Variants in CDH12 observed in about 807,000 individuals in gnomAD.
CDH12 encodes cadherin-12.
CDH12 carries 41 observed loss-of-function variants against 74.1 expected under a neutral mutation model. That is an observed-to-expected ratio of 0.55 (90% CI 0.43 to 0.72). The LOEUF is 0.72. Ranked by LOEUF, CDH12 falls within the 30% of genes least tolerant of loss-of-function variation. The pLI is 0.00. For synonymous variants in CDH12, 399 were observed against 355.0 expected (o/e 1.12, Z -1.39); for missense variants, 945 against 977.2 (o/e 0.97, Z 0.44).
intron 3 of CDH12, among the ~76,000 whole-genome samples, chr5:22,317,412 A>G (rs1054274119): frequency 6.6e-6 from 1 of 152,174 alleles, no homozygotes; most frequent in Non-Finnish European, 1.5e-5. Context: ...AATATATATT[A>G]TGCACATATA....
At chr5:22,228,218 AT>A (rs1265255287) in intron 3 of CDH12, among the ~76,000 whole-genome samples, 8 of 152,220 alleles carry the variant, frequency 5.3e-5, no homozygotes, top group African/African-American at 1.7e-4. Context: ...ATTATTAATA[AT>A]ATAGCTTTAC....
intron 3 of CDH12, among the ~76,000 whole-genome samples, chr5:22,243,770 T>C (rs1379928954): frequency 1.3e-5 from 2 of 152,174 alleles, no homozygotes; most frequent in Non-Finnish European, 2.9e-5. Context: ...ACACTCACAA[T>C]GTGTAATCTT....
intron 1 of CDH12, among the ~76,000 whole-genome samples, chr5:22,539,006 C>T (rs1384277125): frequency 6.6e-6 from 1 of 152,152 alleles, no homozygotes; most frequent in Non-Finnish European, 1.5e-5. Context: ...AGTGATCCTC[C>T]CACCTCAGCC....
intron 2 of CDH12, among the ~76,000 whole-genome samples, chr5:22,414,955 T>C (rs1261132045): frequency 6.6e-6 from 1 of 152,062 alleles, no homozygotes; most frequent in Non-Finnish European, 1.5e-5. Context: ...GTAACAAATA[T>C]ATCCCTTTAG....
At chr5:22,361,579 C>A (rs2150474588) in intron 3 of CDH12, among the ~76,000 whole-genome samples, 1 of 152,268 alleles carries the variant, frequency 6.6e-6, no homozygotes, top group Admixed American at 6.5e-5. Flanking sequence ...GAAAAAACTA[C>A]TTTAAAGTTC....
At chr5:22,065,704 G>C (rs1005758739) in intron 5 of CDH12, among the ~76,000 whole-genome samples, 1 of 152,106 alleles carries the variant, frequency 6.6e-6, no homozygotes, top group Non-Finnish European at 1.5e-5. Context: ...CAGCTCTCTA[G>C]GTCAGAACTT....
chr5:22,162,973 T>G (rs1748454129), intron 4 of CDH12, among the ~76,000 whole-genome samples: 1 of 145,002 alleles, frequency 6.9e-6, no homozygotes, highest in Non-Finnish European at 1.5e-5. Flanking sequence ...CTCTGCTCAC[T>G]GCAAGCTCCG....
intron 1 of CDH12, among the ~76,000 whole-genome samples, chr5:22,680,101 A>C (rs1207455835): frequency 6.6e-6 from 1 of 152,054 alleles, no homozygotes; most frequent in East Asian, 1.9e-4. Context: ...CACCCAACCT[A>C]GGGGGAAGGG....
At chr5:22,171,567 T>C (rs1749030275) in intron 4 of CDH12, among the ~76,000 whole-genome samples, 1 of 151,978 alleles carries the variant, frequency 6.6e-6, no homozygotes, top group South Asian at 2.1e-4. Context: ...ACTATCTGTG[T>C]GGCACTTTTA....
intron 3 of CDH12, among the ~76,000 whole-genome samples, chr5:22,333,639 C>G (rs569971899): frequency 2.6e-4 from 40 of 152,116 alleles, no homozygotes; most frequent in African/African-American, 9.6e-4. Flanking sequence ...TCTAGAAGGT[C>G]AATGTTATAC....
intron 1 of CDH12, among the ~76,000 whole-genome samples, chr5:22,545,779 G>C (rs1738297657): frequency 6.6e-6 from 1 of 151,916 alleles, no homozygotes; most frequent in Non-Finnish European, 1.5e-5. Context: ...TGACACCTTT[G>C]AATTAATGTA....
At chr5:22,575,896 G>T (rs1739766172) in intron 1 of CDH12, among the ~76,000 whole-genome samples, 1 of 151,424 alleles carries the variant, frequency 6.6e-6, no homozygotes, top group African/African-American at 2.4e-5. Context: ...TTATTTATTT[G>T]CTTGTTTATT....
At chr5:21,981,966 G>T (rs1174651265) in intron 5 of CDH12, among the ~76,000 whole-genome samples, 2 of 152,150 alleles carry the variant, frequency 1.3e-5, no homozygotes, top group South Asian at 4.1e-4. Context: ...GAGACACCCT[G>T]TGTGGCCAGG....
chr5:22,107,687 A>C, intron 4 of CDH12, among the ~76,000 whole-genome samples: 1 of 152,118 alleles, frequency 6.6e-6, no homozygotes. Flanking sequence ...CATAATAAGA[A>C]GAAATAAAAA....
chr5:22,129,129 TA>T (rs1216514232), intron 4 of CDH12, among the ~76,000 whole-genome samples: 1 of 152,160 alleles, frequency 6.6e-6, no homozygotes, highest in Non-Finnish European at 1.5e-5. Flanking sequence ...CAAAGTTGTA[TA>T]AAAAATAAAT....
At chr5:21,927,688 C>T (rs1754648892) in intron 6 of CDH12, among the ~76,000 whole-genome samples, 1 of 151,834 alleles carries the variant, frequency 6.6e-6, no homozygotes, top group Non-Finnish European at 1.5e-5. Context: ...AATCTGATTA[C>T]TAGAGGGAAA....
chr5:22,284,288 A>G (rs1327491207), intron 3 of CDH12, among the ~76,000 whole-genome samples: 1 of 152,170 alleles, frequency 6.6e-6, no homozygotes. Context: ...AACTTAGGCT[A>G]TCACAGCAAT....
In CDH12 at chr5:22,592,246, A is replaced by G. The variant is rs547074170; in HGVS notation, c.-522-86882T>C. Among the ~76,000 whole-genome samples the G allele has an allele frequency of 6.6e-5, 10 of 152,336 alleles. No homozygotes were observed. The East Asian group carries it at 1.5e-3, about 24-fold the overall frequency. Reference sequence around the variant, plus strand: ...CTTCTGAATAATCACTGTTGTGAACATAATTCTCAAGCTCCTCTTTCCACA... The same window carrying G: ...CTTCTGAATAATCACTGTTGTGAACGTAATTCTCAAGCTCCTCTTTCCACA... On this transcript the variant is annotated intron_variant, in intron 1 of 14. Transcript: ENST00000382254.
intron 3 of CDH12, among the ~76,000 whole-genome samples, chr5:22,254,906 CT>C (rs1202817352): frequency 6.6e-6 from 1 of 151,802 alleles, no homozygotes; most frequent in African/African-American, 2.4e-5. Flanking sequence ...CCATTTCAAT[CT>C]TTTAGTTATT....
Sources: allele counts gnomAD v4.1 joint callset (sites outside exome capture counted in the v4.1 genomes callset), GRCh38; gene constraint gnomAD v4.1.1; transcripts MANE v1.5; gene names NCBI Gene and HGNC (gene_info 2026-07-23, HGNC 2026-07-21).